The following SAMD5 variants were observed in gnomAD, a reference collection of about 807,000 sequenced individuals.
The protein encoded by SAMD5 is sterile alpha motif domain-containing protein 5.
In SAMD5, 13 loss-of-function variants were observed where a neutral mutation model predicts 11.3. The observed-to-expected ratio is 1.15, with a 90% CI of 0.75 to 1.83. The LOEUF is 1.83. Ranked by LOEUF, SAMD5 falls within the 40% of genes most tolerant of loss-of-function variation. The probability of loss-of-function intolerance (pLI) is 0.00; values close to 1 mark genes in which losing one functional copy is unlikely to be tolerated. For missense variants in SAMD5, 255 were observed against 239.1 expected (o/e 1.07, Z -0.44); for synonymous variants, 129 against 111.3 (o/e 1.16, Z -1.00).
At chr6:147,571,929 A>C (rs1789143925), downstream of SAMD5, among the ~76,000 whole-genome samples, 1 of 152,134 alleles carries the variant, frequency 6.6e-6, no homozygotes. Context: ...AGCATTGCTA[A>C]ACACACCCTG....
chr6:147,798,789 T>C, the SAMD5 span, among the ~76,000 whole-genome samples: 1 of 152,216 alleles, frequency 6.6e-6, no homozygotes, highest in East Asian at 1.9e-4. Flanking sequence ...TAGTTAGCTC[T>C]TCTTGTTGAA....
chr6:147,733,550 G>A (rs1365792205), intron 1 of SAMD5, among the ~76,000 whole-genome samples: 3 of 151,626 alleles, frequency 2.0e-5, no homozygotes, highest in South Asian at 4.2e-4. Flanking sequence ...ACTCCAGTCA[G>A]GACTTGAATC....
chr6:147,936,770 A>G, the SAMD5 span, among the ~76,000 whole-genome samples: 6 of 152,214 alleles, frequency 3.9e-5, no homozygotes, highest in African/African-American at 1.4e-4. Flanking sequence ...TTGTCTTCCA[A>G]TTTATCCCTT....
chr6:147,758,199 AG>A, the SAMD5 span, among the ~76,000 whole-genome samples: 13 of 152,332 alleles, frequency 8.5e-5, no homozygotes, highest in South Asian at 2.7e-3. Flanking sequence ...AAAAAGTGGC[AG>A]CTATCTTAAA....
At chr6:147,560,689 A>C (rs538531072) in intron 1 of SAMD5, among the ~76,000 whole-genome samples, 3 of 152,314 alleles carry the variant, frequency 2.0e-5, no homozygotes, top group African/African-American at 4.8e-5. Context: ...CAGAGTAATC[A>C]ACTGAGAAAA....
the SAMD5 span, among the ~76,000 whole-genome samples, chr6:147,814,051 C>T: frequency 5.3e-5 from 8 of 152,094 alleles, no homozygotes; most frequent in African/African-American, 1.7e-4. Context: ...TTTTCAGGGT[C>T]TATGCAACTC....
chr6:147,705,665 T>A (rs1791315949), intron 1 of SAMD5, among the ~76,000 whole-genome samples: 1 of 152,192 alleles, frequency 6.6e-6, no homozygotes. Flanking sequence ...AATGCAAAAG[T>A]AACAGCAAAA....
the SAMD5 span, among the ~76,000 whole-genome samples, chr6:147,906,746 T>C: frequency 2.6e-5 from 4 of 152,304 alleles, no homozygotes; most frequent in Middle Eastern, 3.4e-3. Flanking sequence ...CAACATGCAA[T>C]GCACACTTCC....
chr6:147,884,537 C>CT, the SAMD5 span, among the ~76,000 whole-genome samples: 1 of 152,194 alleles, frequency 6.6e-6, no homozygotes, highest in Non-Finnish European at 1.5e-5. Context: ...TTTTGAGCTA[C>CT]TTTCAAATTC....
intron 1 of SAMD5, among the ~76,000 whole-genome samples, chr6:147,687,276 CTTTT>C (rs59851113): frequency 2.9e-5 from 3 of 105,028 alleles, no homozygotes; most frequent in African/African-American, 1.2e-4. Flanking sequence ...TCTCCTCCTT[CTTTT>C]TTTTTTTTTT....
At chr6:147,755,834 AG>A in the SAMD5 span, among the ~76,000 whole-genome samples, 1 of 152,136 alleles carries the variant, frequency 6.6e-6, no homozygotes, top group African/African-American at 2.4e-5. Flanking sequence ...AACTGTAAAA[AG>A]GGGGCTAATA....
intron 1 of SAMD5, among the ~76,000 whole-genome samples, chr6:147,714,927 C>G (rs1791445957): frequency 6.6e-6 from 1 of 152,162 alleles, no homozygotes; most frequent in Non-Finnish European, 1.5e-5. Flanking sequence ...AGTTATTAAT[C>G]CTGATGATTG....
At chr6:147,741,445 A>G (rs78056518), downstream of SAMD5, 2 of 152,284 alleles carry the variant, frequency 1.3e-5, no homozygotes, top group East Asian at 1.9e-4. Context: ...TCAGCATGTA[A>G]CATGTTGGTT....
chr6:147,658,268 T>C (rs1300587695), intron 1 of SAMD5, among the ~76,000 whole-genome samples: 2 of 152,178 alleles, frequency 1.3e-5, no homozygotes, highest in African/African-American at 2.4e-5. Context: ...ATCAGTATTA[T>C]TTCATAGCTC....
At chr6:147,931,462 C>A in the SAMD5 span, among the ~76,000 whole-genome samples, 1 of 152,138 alleles carries the variant, frequency 6.6e-6, no homozygotes, top group Non-Finnish European at 1.5e-5. Flanking sequence ...TTTGCAGAAC[C>A]TAAGTCCAGC....
chr6:147,810,402 T>C, the SAMD5 span, among the ~76,000 whole-genome samples: 1 of 152,178 alleles, frequency 6.6e-6, no homozygotes, highest in Non-Finnish European at 1.5e-5. Flanking sequence ...CTCAGGAGCC[T>C]GTGACCCAGG....
At chr6:147,886,347 C>T in the SAMD5 span, among the ~76,000 whole-genome samples, 1 of 152,094 alleles carries the variant, frequency 6.6e-6, no homozygotes, top group Non-Finnish European at 1.5e-5. Context: ...ACTCAGAATA[C>T]AAAGAAAACT....
chr6:147,764,426 C>T, the SAMD5 span, among the ~76,000 whole-genome samples: 4 of 152,190 alleles, frequency 2.6e-5, no homozygotes, highest in Middle Eastern at 6.3e-3. Flanking sequence ...CATCATTTTG[C>T]ACCTGAAATG....
At chr6:147,509,986 T>C (rs1002098853) in intron 1 of SAMD5, among the ~76,000 whole-genome samples, 8 of 152,206 alleles carry the variant, frequency 5.3e-5, no homozygotes, top group African/African-American at 1.7e-4. Context: ...CTTGAGATGA[T>C]TTCCTAAACT....
Sources: gnomAD v4.1 joint callset for allele counts (sites outside exome capture counted in the v4.1 genomes callset) on GRCh38, gnomAD v4.1.1 for gene constraint, MANE v1.5 for transcripts, NCBI Gene and HGNC (gene_info 2026-07-23, HGNC 2026-07-21) for gene names.